LDLRAD2: variants seen among roughly 807,000 people sequenced by gnomAD.
The protein encoded by LDLRAD2 is low-density lipoprotein receptor class A domain-containing protein 2.
LDLRAD2 carries 25 observed loss-of-function variants against 24.9 expected under a neutral mutation model. The observed-to-expected ratio is 1.00, with a 90% CI of 0.73 to 1.40. LDLRAD2 has a LOEUF of 1.40. Among genes scored for constraint, LDLRAD2 ranks in the 40% most tolerant of loss-of-function variants. The probability of loss-of-function intolerance (pLI) is 0.00; values close to 1 mark genes in which losing one functional copy is unlikely to be tolerated. For synonymous variants in LDLRAD2, 182 were observed against 166.7 expected, an observed-to-expected ratio of 1.09 and a Z score of -0.71; for missense variants, 391 against 366.2, an observed-to-expected ratio of 1.07 and a Z score of -0.55.
intron 1 of LDLRAD2, among the ~76,000 whole-genome samples, chr1:21,813,015 G>A (rs977361721): frequency 6.6e-6 from 1 of 152,194 alleles, no homozygotes; most frequent in Non-Finnish European, 1.5e-5. Context: ...CCAAATTCCC[G>A]GCTGGGCGCA....
In LDLRAD2 at chr1:21,814,501, C is replaced by A. The variant is rs2097941710; in HGVS notation, c.189C>A (p.Asp63Glu). ...RRFYFVAPDT[D>E]CGLWVQAAAP... is the part of the protein sequence containing the mutation. ...TCTACTTCGTGGCTCCGGACACCGA[C>A]TGCGGGCTCTGGGTGCAGGCGGCAG... is the stretch of plus-strand genomic sequence containing the variant. The change falls in exon 2 of 5, where the codon GAC becomes GAA. Residue 63 changes from aspartate to glutamate, a missense_variant. By Grantham distance (45) the Asp-to-Glu change is conservative. Coordinates refer to ENST00000344642, the MANE Select transcript of LDLRAD2 (RefSeq NM_001013693.3). The A allele has an allele frequency of 7.4e-6, 12 of 1,612,610 alleles. No homozygotes were observed. The South Asian group carries it at 1.2e-4, about 16-fold the overall frequency.
chr1:21,819,042 G>A (rs1336885207), intron 3 of LDLRAD2, among the ~76,000 whole-genome samples: 2 of 151,570 alleles, frequency 1.3e-5, no homozygotes, highest in East Asian at 3.9e-4. Flanking sequence ...GCTTCCTGGT[G>A]GGTCTCTTTA....
At position 21,812,503 on chromosome 1, in the gene LDLRAD2, G is replaced by A; in HGVS notation, c.52G>A (p.Ala18Thr). 3 of 1,614,148 alleles carry A rather than the reference G, an allele frequency of 1.9e-6. No homozygotes were observed. The highest frequency in any genetic ancestry group is 1.7e-6 in the Non-Finnish European group (2 of 1,179,996). Residue 18 changes from alanine to threonine, a missense_variant, in exon 1 of 5, where the codon GCA becomes ACA. Coordinates refer to ENST00000344642, the MANE Select transcript of LDLRAD2 (RefSeq NM_001013693.3). ...GCCCCAAAGGTTGCTCTTGCTGGGG[G>A]CAGCCGCCCTGACTGCAACTGCTTT... The part of the protein sequence containing the change: ...QLPQRLLLLG[A>T]AALTATALET...
rs559017303 is a variant in LDLRAD2 at position 21,816,862 on chromosome 1, C to T, written c.643+788C>T. 2.6e-5 allele frequency among the ~76,000 whole-genome samples: 4 copies of T among 152,298 alleles called. No individual in the cohort carries two copies. The East Asian group carries it at 7.7e-4, about 29-fold the overall frequency. On this transcript the variant is annotated intron_variant, in intron 3 of 4. Transcript: ENST00000344642. Reference sequence around the variant, plus strand: ...TGTCCCCTTGTCCTCCATCCAGGCTCATTCCCTTGTGGGTCTCATTTATAT... The same window carrying T: ...TGTCCCCTTGTCCTCCATCCAGGCTTATTCCCTTGTGGGTCTCATTTATAT...
At chr1:21,818,341 C>T (rs1217605419) in intron 3 of LDLRAD2, among the ~76,000 whole-genome samples, 1 of 152,190 alleles carries the variant, frequency 6.6e-6, no homozygotes, top group African/African-American at 2.4e-5. Flanking sequence ...AGTCATCATG[C>T]CTCTTTAGGC....
chr1:21,814,600 C>T lies in LDLRAD2; in HGVS notation c.288C>T (p.Leu96=). The change falls in exon 2 of 5, where the codon CTC becomes CTT. Residue 96 remains leucine (L), a synonymous_variant. Transcript: ENST00000344642. ...GCCTGACCCCCGCGCCCCCGGCGCT[C>T]AACACCTCCTCCCCGGCCCCGGCCG... ...VYSLTPAPPA[L]NTSSPAPADP... The T allele has an allele frequency of 6.2e-7, 1 of 1,611,248 alleles. No homozygotes were observed. The highest frequency in any genetic ancestry group is 1.7e-4 in the Middle Eastern group (1 of 6,042).
chr1:21,818,239 T>A (rs997266581), intron 3 of LDLRAD2, among the ~76,000 whole-genome samples: 2 of 149,028 alleles, frequency 1.3e-5, no homozygotes, highest in East Asian at 2.0e-4. Flanking sequence ...CTCAAACTCC[T>A]GACCTCAAGT....
rs1401108294 is a variant in LDLRAD2 at position 21,822,628 on chromosome 1, T to C, written c.*413T>C. On this transcript the variant is annotated 3_prime_UTR_variant, in exon 5 of 5. Transcript: ENST00000344642. Reference sequence around the variant, plus strand: ...TGCCTGTAGCAGCTCCTGGTAAGAGTTGGGGTGGGCCTTCCCTTACAGCCC... The same window carrying C: ...TGCCTGTAGCAGCTCCTGGTAAGAGCTGGGGTGGGCCTTCCCTTACAGCCC... 9.9e-6 allele frequency: 2 copies of C among 202,716 alleles called. No homozygotes were observed. The highest frequency in any genetic ancestry group is 2.0e-5 in the Non-Finnish European group (2 of 98,584). 12.6% of individuals were successfully genotyped at this position (202,716 alleles called of 1,614,324 possible). A position where few individuals can be genotyped will look rare whatever the true frequency, so the allele number is the denominator to read the frequency against.
In LDLRAD2 at chr1:21,812,523, T is replaced by G. The variant is rs772154839; in HGVS notation, c.72T>G (p.Thr24=). Reference sequence around the variant, plus strand: ...TGGGGGCAGCCGCCCTGACTGCAACTGCTTTGGAGACAGGTAAGTATCAGG... The same window carrying G: ...TGGGGGCAGCCGCCCTGACTGCAACGGCTTTGGAGACAGGTAAGTATCAGG... ...LLLGAAALTA[T]ALETADLAEL... Residue 24 remains threonine (T), a synonymous_variant, in exon 1 of 5, where the codon ACT becomes ACG. Transcript: ENST00000344642. 5 of 1,613,958 alleles carry G rather than the reference T, an allele frequency of 3.1e-6. No homozygotes were observed. In the East Asian group the frequency reaches 1.1e-4, roughly 36 times the overall value.
intron 3 of LDLRAD2, among the ~76,000 whole-genome samples, chr1:21,816,650 A>G (rs2152677903): frequency 1.3e-5 from 2 of 152,260 alleles, no homozygotes; most frequent in African/African-American, 4.8e-5. Context: ...AAGATGTCCC[A>G]CCTGCCCACC....
At chr1:21,820,450 A>G (rs1226064474) in intron 3 of LDLRAD2, among the ~76,000 whole-genome samples, 4 of 148,930 alleles carry the variant, frequency 2.7e-5, no homozygotes, top group African/African-American at 1.0e-4. Context: ...GTGAACCCGG[A>G]AGGCGGAGCT....
Position 21,821,520 on chromosome 1 carries a change from A to C in LDLRAD2, c.714A>C (p.Pro238=). The part of the protein sequence containing the change: ...AHTSRSLTPS[P]ALGSAGSLWI... ...CCTCCAGATCCCTGACTCCCTCCCC[A>C]GCTCTCGGGTCTGCAGGATCCCTCT... is the stretch of plus-strand genomic sequence containing the variant. The change falls in exon 4 of 5, where the codon CCA becomes CCC. Residue 238 remains proline (P), a synonymous_variant. Transcript: ENST00000344642. 6.2e-7 allele frequency: 1 copy of C among 1,614,000 alleles called. No individual in the cohort carries two copies. Among genetic ancestry groups the C allele is most frequent in the Non-Finnish European group, 8.5e-7 (1 of 1,179,982 alleles).
chr1:21,816,849 C>G (rs770650437), intron 3 of LDLRAD2, among the ~76,000 whole-genome samples: 2 of 152,160 alleles, frequency 1.3e-5, no homozygotes, highest in Non-Finnish European at 2.9e-5. Flanking sequence ...TCCCCTTGTC[C>G]TCCATCCAGG....
intron 3 of LDLRAD2, 53 bp downstream of exon 3, chr1:21,816,127 C>T (rs1461657533): frequency 3.1e-6 from 5 of 1,592,750 alleles, no homozygotes; most frequent in Non-Finnish European, 4.3e-6. Flanking sequence ...GGAAGCCTGG[C>T]CCTAACTCCC....
At chr1:21,819,355 A>T (rs1013666833) in intron 3 of LDLRAD2, among the ~76,000 whole-genome samples, 2 of 152,090 alleles carry the variant, frequency 1.3e-5, no homozygotes, top group South Asian at 2.1e-4. Context: ...CTTGAGCAAC[A>T]AGAGCGAAAC....
Position 21,813,367 on chromosome 1 carries a change from G to C in LDLRAD2, c.85+831G>C, listed in dbSNP as rs552688142. On this transcript the variant is annotated intron_variant, in intron 1 of 4. Coordinates refer to ENST00000344642, the MANE Select transcript of LDLRAD2 (RefSeq NM_001013693.3). Reference sequence around the variant, plus strand: ...TCCATGCCTGCCCTGTGTACCTTCAGGGTAGGCTCTGGCTTTAGCAGAGAA... The same window carrying C: ...TCCATGCCTGCCCTGTGTACCTTCACGGTAGGCTCTGGCTTTAGCAGAGAA... Among the ~76,000 whole-genome samples, 6 of 152,240 alleles carry C rather than the reference G, an allele frequency of 3.9e-5. No individual in the cohort carries two copies. In the South Asian group the frequency reaches 6.2e-4, roughly 16 times the overall value.
chr1:21,817,475 T>C (rs1167983169), intron 3 of LDLRAD2, among the ~76,000 whole-genome samples: 2 of 152,146 alleles, frequency 1.3e-5, no homozygotes, highest in Non-Finnish European at 1.5e-5. Context: ...CCAGAGTAGC[T>C]GGGACCACAC....
At chr1:21,814,844 G>T in intron 2 of LDLRAD2, 21 bp downstream of exon 2, 2 of 1,466,446 alleles carry the variant, frequency 1.4e-6, no homozygotes, top group South Asian at 1.4e-5. Context: ...GCTGAAGGCC[G>T]GGACGGGACC....
rs771101918 is a variant in LDLRAD2, at chr1:21,823,691, C to T, written c.*1476C>T. On this transcript the variant is annotated 3_prime_UTR_variant, in exon 5 of 5. Transcript: ENST00000344642. ...CGGCCGCTGACCAGCTCCTCACCGT[C>T]GACTTGGATGGAACCTCTGCGGCCC... is the stretch of plus-strand genomic sequence containing the variant. 1.6e-5 allele frequency: 26 copies of T among 1,613,560 alleles called. No individual in the cohort carries two copies. The highest frequency in any genetic ancestry group is 1.9e-5 in the Non-Finnish European group (23 of 1,180,014).
Sources: allele counts gnomAD v4.1 joint callset (sites outside exome capture counted in the v4.1 genomes callset), GRCh38; gene constraint gnomAD v4.1.1; transcripts MANE v1.5; gene names NCBI Gene and HGNC (gene_info 2026-07-23, HGNC 2026-07-21).